UBE2E2: variants seen among roughly 807,000 people sequenced by gnomAD.
The protein encoded by UBE2E2 is ubiquitin-conjugating enzyme E2 E2.
In UBE2E2, 6 loss-of-function variants were observed where a neutral mutation model predicts 24.7. The observed-to-expected ratio is 0.24, with a 90% CI of 0.13 to 0.48. The LOEUF is 0.48. Ranked by LOEUF, UBE2E2 falls within the 20% of genes least tolerant of loss-of-function variation. UBE2E2 has a pLI of 0.99. For synonymous variants in UBE2E2, 104 were observed against 83.6 expected (o/e 1.24, Z -1.33); for missense variants, 169 against 245.0 (o/e 0.69, Z 2.07).
chr3:23,441,534 G>A (rs927266337), intron 3 of UBE2E2, among the ~76,000 whole-genome samples: 15 of 53,098 alleles, frequency 2.8e-4, no homozygotes, highest in South Asian at 6.4e-4. Context: ...GCGAGACTCC[G>A]TCTCAAAAAA....
chr3:23,264,783 G>T (rs899456431), intron 3 of UBE2E2, among the ~76,000 whole-genome samples: 7 of 152,126 alleles, frequency 4.6e-5, no homozygotes, highest in African/African-American at 1.7e-4. Flanking sequence ...TCTTTGCTTT[G>T]AAATTGAAAA....
chr3:23,302,453 C>T (rs1289870219), intron 3 of UBE2E2, among the ~76,000 whole-genome samples: 1 of 152,178 alleles, frequency 6.6e-6, no homozygotes, highest in Non-Finnish European at 1.5e-5. Context: ...AAAAACACCG[C>T]ACATTCTTAA....
At chr3:23,570,451 G>T (rs1696194310) in intron 5 of UBE2E2, among the ~76,000 whole-genome samples, 1 of 152,092 alleles carries the variant, frequency 6.6e-6, no homozygotes, top group African/African-American at 2.4e-5. Context: ...GGCTGGGCAG[G>T]GGTGGTATGT....
chr3:23,376,746 C>G (rs963237672), intron 3 of UBE2E2, among the ~76,000 whole-genome samples: 1 of 152,216 alleles, frequency 6.6e-6, no homozygotes, highest in African/African-American at 2.4e-5. Context: ...AGCATGTCCT[C>G]TTGGTCTTTG....
At chr3:23,349,615 G>A (rs1365175754) in intron 3 of UBE2E2, among the ~76,000 whole-genome samples, 5 of 152,208 alleles carry the variant, frequency 3.3e-5, no homozygotes, top group Non-Finnish European at 4.4e-5. Context: ...CTACGCCCAC[G>A]GAATCTCGCT....
intron 3 of UBE2E2, among the ~76,000 whole-genome samples, chr3:23,435,556 G>C (rs554339980): frequency 6.6e-6 from 1 of 152,214 alleles, no homozygotes. Context: ...AGAGGACCCT[G>C]TGCCTCAAGT....
chr3:23,407,647 ATGTGTGTGTGTGTGTGTG>A lies in UBE2E2; in HGVS notation c.228-91935_228-91918del, dbSNP rs71974866. The stretch of plus-strand genomic sequence containing the variant: ...TGTGTGTTTGTGTGTGCATGCGTGC[ATGTGTGTGTGTGTGTGTG>A]TGTGTGTGTGTGTGTGTGTGTGTGT... On this transcript the variant is annotated intron_variant, in intron 3 of 5. Transcript: ENST00000396703. This position sits in a 1 kb window ranked among gnomAD's most constrained non-coding sequence, Gnocchi z 4.0. Among the ~76,000 whole-genome samples the A allele has an allele frequency of 3.6e-5, 5 of 138,028 alleles. No individual in the cohort carries two copies. 90.6% of individuals were successfully genotyped at this position (138,028 alleles called of 152,430 possible).
chr3:23,209,570 G>A (rs1696260507), intron 2 of UBE2E2, among the ~76,000 whole-genome samples: 1 of 152,158 alleles, frequency 6.6e-6, no homozygotes, highest in Non-Finnish European at 1.5e-5. Flanking sequence ...GTGATTTTAT[G>A]TTCTTGCTTT....
intron 5 of UBE2E2, among the ~76,000 whole-genome samples, chr3:23,555,322 A>G (rs1024382860): frequency 4.6e-5 from 7 of 152,184 alleles, no homozygotes; most frequent in South Asian, 2.1e-4. Context: ...CAAAACCACT[A>G]TGAGATATCA....
At chr3:23,309,071 G>A (rs1019666304) in intron 3 of UBE2E2, among the ~76,000 whole-genome samples, 3 of 152,206 alleles carry the variant, frequency 2.0e-5, no homozygotes, top group African/African-American at 4.8e-5. Flanking sequence ...CTCACAGCCA[G>A]TTGGCATGGG....
intron 4 of UBE2E2, among the ~76,000 whole-genome samples, chr3:23,501,862 A>C (rs1179225971): frequency 6.6e-6 from 1 of 152,196 alleles, no homozygotes; most frequent in Non-Finnish European, 1.5e-5. Context: ...TTTACCAGAA[A>C]AAATGGAATC....
intron 3 of UBE2E2, among the ~76,000 whole-genome samples, chr3:23,485,327 G>A (rs554103683): frequency 1.8e-4 from 27 of 151,972 alleles, no homozygotes; most frequent in African/African-American, 5.1e-4. Context: ...AACTCCTAAC[G>A]TCAAGTGATC....
At chr3:23,344,662 T>G (rs946429967) in intron 3 of UBE2E2, among the ~76,000 whole-genome samples, 7 of 151,392 alleles carry the variant, frequency 4.6e-5, no homozygotes, top group African/African-American at 1.7e-4. Flanking sequence ...GAAACTAGCC[T>G]GGGCAACATA....
rs35802594 is a variant in UBE2E2, at chr3:23,246,387, AT to A, written c.227+29096del. Among the ~76,000 whole-genome samples the A allele has an allele frequency of 7.5e-3, 919 of 122,464 alleles. 11 individuals carry two copies. Among genetic ancestry groups the A allele is most frequent in the East Asian group, 0.024 (106 of 4,510 alleles). The allele number at this position is 122,464 out of a possible 152,430, so 80.3% of individuals were successfully genotyped here. A position where few individuals can be genotyped will look rare whatever the true frequency, so the allele number is the denominator to read the frequency against. On this transcript the variant is annotated intron_variant, in intron 3 of 5. Coordinates refer to ENST00000396703, the MANE Select transcript of UBE2E2 (RefSeq NM_152653.4). ...AGGCGCCCGCCACCATGCCTGGCTA[AT>A]TTTTTTTTTTTTTTTTTTTTGTATT...
At chr3:23,533,146 G>A (rs1483290655) in intron 5 of UBE2E2, among the ~76,000 whole-genome samples, 4 of 152,116 alleles carry the variant, frequency 2.6e-5, no homozygotes, top group Non-Finnish European at 4.4e-5. Flanking sequence ...TGTGCATCCT[G>A]ACAAGCTATT....
chr3:23,323,338 C>T (rs1478047267), intron 3 of UBE2E2, among the ~76,000 whole-genome samples: 2 of 152,038 alleles, frequency 1.3e-5, no homozygotes, highest in African/African-American at 2.4e-5. Context: ...CATGGTAGTA[C>T]TTACTGTCTT....
Position 23,211,961 on chromosome 3 carries a change from A to G in UBE2E2, c.176+3086A>G, listed in dbSNP as rs1036045745. On this transcript the variant is annotated intron_variant, in intron 2 of 5. Transcript: ENST00000396703. The stretch of plus-strand genomic sequence containing the variant: ...TGTTAACCTTGGAGGCCTTAATGCT[A>G]TTGTTAAACTAGAAATACTCAGATG... Among the ~76,000 whole-genome samples, 6 of 152,308 alleles carry G rather than the reference A, an allele frequency of 3.9e-5. No individual in the cohort carries two copies. In the South Asian group the frequency reaches 6.2e-4, roughly 16 times the overall value.
At chr3:23,424,719 C>G (rs1697884190) in intron 3 of UBE2E2, among the ~76,000 whole-genome samples, 1 of 152,038 alleles carries the variant, frequency 6.6e-6, no homozygotes, top group African/African-American at 2.4e-5. Context: ...CTAAGGTACT[C>G]TGATAGCTAT....
chr3:23,269,034 C>A (rs1559326831), intron 3 of UBE2E2, among the ~76,000 whole-genome samples: 2 of 151,776 alleles, frequency 1.3e-5, no homozygotes, highest in Admixed American at 6.6e-5. Context: ...CTTCCTTACA[C>A]CTTATACAAA....
Sources: allele counts gnomAD v4.1 joint callset (sites outside exome capture counted in the v4.1 genomes callset), GRCh38; gene constraint gnomAD v4.1.1; non-coding constraint Gnocchi (gnomAD v3.1); transcripts MANE v1.5; gene names NCBI Gene and HGNC (gene_info 2026-07-23, HGNC 2026-07-21).